The following DMD variants were observed in gnomAD, a reference collection of about 807,000 sequenced individuals.
The protein encoded by DMD is mutant dystrophin.
A neutral mutation model predicts 330.1 loss-of-function variants in DMD; 63 were observed. The ratio of observed to expected loss-of-function variants is 0.19; its 90% confidence interval spans 0.16 to 0.24. DMD has a LOEUF of 0.24. Among genes scored for constraint, DMD ranks in the 10% least tolerant of loss-of-function variants. The pLI, the probability that DMD is intolerant of heterozygous loss-of-function variation, is 1.00. For synonymous variants in DMD, 1,223 were observed against 959.8 expected, an observed-to-expected ratio of 1.27 and a Z score of -5.07; for missense variants, 3,344 against 2,684.1, an observed-to-expected ratio of 1.25 and a Z score of -5.43.
At chrX:31,887,751 T>C (rs56175600) in intron 47 of DMD, among the ~76,000 whole-genome samples, 23,863 of 110,997 alleles carry the variant, frequency 0.21, 1,945 homozygotes, top group Admixed American at 0.29. Context: ...CTCTTCCAAC[T>C]TATGTCTTCT....
chrX:31,695,846 G>T (rs962313262), intron 52 of DMD, among the ~76,000 whole-genome samples: 6 of 110,754 alleles, frequency 5.4e-5, no homozygotes, highest in Non-Finnish European at 9.5e-5. Context: ...AATAAGTTCT[G>T]GTGTTCTTTT....
intron 12 of DMD, among the ~76,000 whole-genome samples, chrX:32,612,265 G>C (rs944208311): frequency 2.7e-5 from 3 of 110,707 alleles, no homozygotes; most frequent in Non-Finnish European, 5.7e-5. Context: ...TTGGCTAAGG[G>C]CAGCTCTGGT....
chrX:32,901,148 G>A (rs933112438), intron 2 of DMD, among the ~76,000 whole-genome samples: 1 of 111,504 alleles, frequency 9.0e-6, no homozygotes, highest in East Asian at 2.8e-4. Flanking sequence ...AAATAATTAA[G>A]TCAGAGTTAA....
chrX:33,264,606 G>C (rs779551432), intron 1 of DMD, among the ~76,000 whole-genome samples: 8 of 111,028 alleles, frequency 7.2e-5, no homozygotes, highest in African/African-American at 2.6e-4. Flanking sequence ...ACAAAATAAA[G>C]TCAGTTGGAT....
At chrX:31,572,784 T>C (rs1201388972) in intron 55 of DMD, among the ~76,000 whole-genome samples, 1 of 112,561 alleles carries the variant, frequency 8.9e-6, no homozygotes, top group Non-Finnish European at 1.9e-5. Flanking sequence ...ATCTCTGCCT[T>C]CTGCAGTAGC....
intron 44 of DMD, among the ~76,000 whole-genome samples, chrX:32,166,407 A>G (rs963260640): frequency 9.0e-6 from 1 of 111,343 alleles, no homozygotes; most frequent in African/African-American, 3.3e-5. Flanking sequence ...GCAGTGAGCC[A>G]TGATCACGTC....
intron 42 of DMD, among the ~76,000 whole-genome samples, chrX:32,305,725 T>C (rs1175218505): frequency 9.0e-6 from 1 of 111,354 alleles, no homozygotes; most frequent in Non-Finnish European, 1.9e-5. Flanking sequence ...TCATTTAGAA[T>C]CTTCTTTACA....
chrX:33,052,824 G>T (rs1203226862), intron 1 of DMD, among the ~76,000 whole-genome samples: 1 of 109,882 alleles, frequency 9.1e-6, no homozygotes. Flanking sequence ...TAACTGGATT[G>T]TTTGTAACAC....
chrX:32,408,040 G>A (rs917811389), intron 30 of DMD, among the ~76,000 whole-genome samples: 1 of 108,663 alleles, frequency 9.2e-6, no homozygotes, highest in African/African-American at 3.4e-5. Flanking sequence ...GAGTTAATGG[G>A]TGTAGCACAC....
chrX:32,291,383 C>T (rs1469368394), intron 42 of DMD, among the ~76,000 whole-genome samples: 3 of 112,083 alleles, frequency 2.7e-5, no homozygotes, highest in Non-Finnish European at 5.6e-5. Flanking sequence ...AATACTTCAG[C>T]ATTTTTCTCT....
chrX:32,862,381 G>T (rs1261341095), intron 2 of DMD, among the ~76,000 whole-genome samples: 1 of 111,800 alleles, frequency 8.9e-6, no homozygotes, highest in Non-Finnish European at 1.9e-5. Context: ...CCACACCATC[G>T]TTAATGGAAA....
At chrX:33,000,588 T>C (rs2093254603) in intron 2 of DMD, among the ~76,000 whole-genome samples, 1 of 112,127 alleles carries the variant, frequency 8.9e-6, no homozygotes, top group Admixed American at 9.5e-5. Context: ...TGGTAGCCAC[T>C]AGCCACATGT....
intron 1 of DMD, among the ~76,000 whole-genome samples, chrX:33,315,494 C>T (rs1034320453): frequency 2.7e-5 from 3 of 111,993 alleles, no homozygotes; most frequent in African/African-American, 9.7e-5. Context: ...GGCAACTTTT[C>T]GTTGGCAATA....
intron 29 of DMD, 148 bp downstream of exon 29, chrX:32,438,093 G>C (rs1024369140): frequency 5.0e-6 from 3 of 601,723 alleles, no homozygotes; most frequent in Non-Finnish European, 7.9e-6. Flanking sequence ...CACATGTAAA[G>C]AATTTACCCA....
intron 52 of DMD, among the ~76,000 whole-genome samples, chrX:31,688,072 A>G (rs1215729371): frequency 6.3e-5 from 7 of 110,908 alleles, no homozygotes; most frequent in Non-Finnish European, 1.3e-4. Flanking sequence ...AGCCTATTTG[A>G]AAATACACAG....
intron 43 of DMD, among the ~76,000 whole-genome samples, chrX:32,239,362 A>AT (rs2097199699): frequency 9.0e-6 from 1 of 111,484 alleles, no homozygotes; most frequent in Non-Finnish European, 1.9e-5. Flanking sequence ...AATAGACTTG[A>AT]TTTTTTAAAG....
At chrX:32,752,338 G>C (rs570617948) in intron 7 of DMD, among the ~76,000 whole-genome samples, 2 of 111,138 alleles carry the variant, frequency 1.8e-5, no homozygotes, top group Non-Finnish European at 3.8e-5. Flanking sequence ...TGTGAGATAC[G>C]CAGTCAAAGG....
chrX:33,212,446 C>G (rs1186740698), upstream of DMD, among the ~76,000 whole-genome samples: 1 of 111,053 alleles, frequency 9.0e-6, no homozygotes, highest in African/African-American at 3.3e-5. Context: ...CAGGCGAGCC[C>G]AAAATTGATA....
At chrX:31,823,123 C>G (rs768424195) in intron 49 of DMD, among the ~76,000 whole-genome samples, 97 of 113,060 alleles carry the variant, frequency 8.6e-4, no homozygotes, top group African/African-American at 3.0e-3. Context: ...AATAAAGGCT[C>G]TCATGCCCCT....
Sources: gnomAD v4.1 joint callset for allele counts (sites outside exome capture counted in the v4.1 genomes callset) on GRCh38, gnomAD v4.1.1 for gene constraint, MANE v1.5 for transcripts, NCBI Gene and HGNC (gene_info 2026-07-23, HGNC 2026-07-21) for gene names.